FKBP2: variants seen among roughly 807,000 people sequenced by gnomAD.
FKBP2 encodes the protein FKBP prolyl isomerase 2, also known as peptidyl-prolyl cis-trans isomerase FKBP2.
FKBP2 carries 15 observed loss-of-function variants against 19.4 expected under a neutral mutation model. The ratio of observed to expected loss-of-function variants is 0.77; its 90% CI spans 0.52 to 1.19. FKBP2 has a LOEUF of 1.19. Ranked by LOEUF, FKBP2 falls within the 50% of genes most tolerant of loss-of-function variation. The probability of loss-of-function intolerance (pLI) is 0.00; values close to 1 mark genes in which losing one functional copy is unlikely to be tolerated. For missense variants in FKBP2, 170 were observed against 179.0 expected, an observed-to-expected ratio of 0.95 and a Z score of 0.29; for synonymous variants, 76 against 74.8, an observed-to-expected ratio of 1.02 and a Z score of -0.08.
In FKBP2 at chr11:64,243,975, A is replaced by T. The variant is rs750656365; in HGVS notation, c.375A>T (p.Ala125=). Residue 125 remains alanine, a synonymous_variant, in exon 6 of 6, where the codon GCA becomes GCT. Coordinates refer to ENST00000309366, the MANE Select transcript of FKBP2 (RefSeq NM_004470.4). ...TCCCCTTCTCCCCTACAGGTGGTGC[A>T]ACCCTGGTGTTCGAGGTGGAGCTGC... ...RGAPPKIPGG[A]TLVFEVELLK... is the part of the protein sequence containing the mutation. The T allele has an allele frequency of 6.2e-7, 1 of 1,614,068 alleles. No individual in the cohort carries two copies. The highest frequency in any genetic ancestry group is 1.1e-5 in the South Asian group (1 of 91,076).
intron 2 of FKBP2, 59 bp downstream of exon 2, chr11:64,242,617 C>T: frequency 6.7e-7 from 1 of 1,488,482 alleles, no homozygotes; most frequent in Non-Finnish European, 9.0e-7. Flanking sequence ...CCAGAGAGTG[C>T]TTGGGAGTCT....
In FKBP2 at chr11:64,243,344, G is replaced by A. The variant is rs534906873; in HGVS notation, c.284+33G>A. The stretch of plus-strand genomic sequence containing the variant: ...ATGGGGGAATGGGCTTGGGAGTGGG[G>A]GCGTGCATGGCCACCGCCCAGGAGG... On this transcript the variant is annotated intron_variant, in intron 3 of 5. Transcript: ENST00000309366. 6.3e-6 allele frequency: 10 copies of A among 1,598,488 alleles called. No individual in the cohort carries two copies. The East Asian group carries it at 2.2e-4, about 36-fold the overall frequency.
At chr11:64,241,696 C>T (rs1367089010) in intron 1 of FKBP2, 1 of 152,226 alleles carries the variant, frequency 6.6e-6, no homozygotes, top group Admixed American at 6.5e-5. Context: ...GGGGTGGTCT[C>T]CGTGGTGGCC....
rs1424752775 is a variant in FKBP2, at chr11:64,244,090, AAAC to A, written c.*64_*66del. 1.3e-5 allele frequency: 20 copies of A among 1,559,396 alleles called. No homozygotes were observed. Among genetic ancestry groups the A allele is most frequent in the African/African-American group, 2.8e-5 (2 of 72,600 alleles). On this transcript the variant is annotated 3_prime_UTR_variant, in exon 6 of 6. Transcript: ENST00000309366. ...CAGGGACCAGACTGTTCCAAAAAAA[AAAC>A]AAAAAACAAAAACAAACAAAAAAAC...
Position 64,243,546 on chromosome 11 carries a change from G to A in FKBP2, c.331+49G>A, listed in dbSNP as rs772995084. 5.0e-5 allele frequency: 80 copies of A among 1,603,680 alleles called. No individual in the cohort carries two copies. In the East Asian group the frequency reaches 1.8e-3, roughly 36 times the overall value. On this transcript the variant is annotated intron_variant, in intron 4 of 5. Coordinates refer to ENST00000309366, the MANE Select transcript of FKBP2 (RefSeq NM_004470.4). ...CAGAGCGAGTTTGGGGTGTGTGACT[G>A]GGAAGGGTGAAAGCTGCTTCAGCTT...
At chr11:64,243,021 G>A (rs1234428877) in intron 2 of FKBP2, among the ~76,000 whole-genome samples, 178 bp from the exon 3 acceptor site, 1 of 152,128 alleles carries the variant, frequency 6.6e-6, no homozygotes, top group African/African-American at 2.4e-5. Flanking sequence ...GCAGGGAGGC[G>A]AGATCACGCC....
chr11:64,243,978 C>G lies in FKBP2; in HGVS notation c.378C>G (p.Thr126=). Residue 126 remains threonine (T), a synonymous_variant, in exon 6 of 6, where the codon ACC becomes ACG. Coordinates refer to ENST00000309366, the MANE Select transcript of FKBP2 (RefSeq NM_004470.4). ...GAPPKIPGGA[T]LVFEVELLKI... ...CCTTCTCCCCTACAGGTGGTGCAAC[C>G]CTGGTGTTCGAGGTGGAGCTGCTCA... The G allele has an allele frequency of 1.9e-6, 3 of 1,614,122 alleles. No individual in the cohort carries two copies. The highest frequency in any genetic ancestry group is 2.5e-6 in the Non-Finnish European group (3 of 1,180,012).
intron 2 of FKBP2, 80 bp from the exon 3 acceptor site, chr11:64,243,119 G>T: frequency 7.5e-7 from 1 of 1,334,622 alleles, no homozygotes; most frequent in Admixed American, 1.7e-5. Context: ...TGGGGGGGCA[G>T]CTTGATGGGG....
rs371885225 is a variant in FKBP2 at position 64,242,486 on chromosome 11, C to T, written c.99C>T (p.Ile33=). 18 of 1,552,618 alleles carry T rather than the reference C, an allele frequency of 1.2e-5. No individual in the cohort carries two copies. The highest frequency in any genetic ancestry group is 1.6e-5 in the Non-Finnish European group (18 of 1,156,118). The change falls in exon 2 of 6, where the codon ATC becomes ATT. Residue 33 remains isoleucine, a synonymous_variant. Transcript: ENST00000309366. ...TGAEGKRKLQ[I]GVKKRVDHCP... The stretch of plus-strand genomic sequence containing the variant: ...CCGAGGGCAAAAGGAAGCTGCAGAT[C>T]GGGGTCAAGAAGCGGGTGGACCACT...
At position 64,243,287 on chromosome 11, in the gene FKBP2, A is replaced by G. The variant is rs1253692656; in HGVS notation, c.260A>G (p.Lys87Arg). ...VFSLGTGQVIKGWDQGLLGMC... is the reference protein window; with the variant it reads ...VFSLGTGQVIRGWDQGLLGMC... ...TCCCTTGGCACAGGCCAGGTCATCAAGGGCTGGGACCAGGGGCTGCTGGGG... is the reference window on the plus strand; with the variant it reads ...TCCCTTGGCACAGGCCAGGTCATCAGGGGCTGGGACCAGGGGCTGCTGGGG... Residue 87 changes from lysine (K) to arginine (R), a missense_variant, in exon 3 of 6, where the codon AAG becomes AGG. Transcript: ENST00000309366. 1 of 1,609,122 alleles carries G rather than the reference A, an allele frequency of 6.2e-7. No homozygotes were observed. The highest frequency in any genetic ancestry group is 8.5e-7 in the Non-Finnish European group (1 of 1,177,270).
chr11:64,242,369 G>A lies in FKBP2; in HGVS notation c.-4-15G>A. The A allele has an allele frequency of 2.0e-6, 3 of 1,499,820 alleles. No homozygotes were observed. The highest frequency in any genetic ancestry group is 2.7e-6 in the Non-Finnish European group (3 of 1,127,598). 92.9% of individuals were successfully genotyped at this position (1,499,820 alleles called of 1,614,324 possible). A position where few individuals can be genotyped will look rare whatever the true frequency, so the allele number is the denominator to read the frequency against. ...CCCCCACGTTCAGTCGGTCGGTCGG[G>A]GTCTGTGCCCACAGAGACATGAGGC... On this transcript the variant is annotated splice_polypyrimidine_tract_variant and intron_variant, in intron 1 of 5. Coordinates refer to ENST00000309366, the MANE Select transcript of FKBP2 (RefSeq NM_004470.4).
intron 1 of FKBP2, chr11:64,241,651 G>T (rs1045399921): frequency 6.6e-6 from 1 of 152,482 alleles, no homozygotes; most frequent in African/African-American, 2.4e-5. Flanking sequence ...CAAGTGAGGA[G>T]CCTGGCCCGA....
chr11:64,243,813 T>A, intron 4 of FKBP2, 28 bp from the exon 5 acceptor site: 1 of 1,613,832 alleles, frequency 6.2e-7, no homozygotes, highest in East Asian at 2.2e-5. Context: ...TGGCCATCAC[T>A]GACTGTTTCT....
intron 2 of FKBP2, 83 bp from the exon 3 acceptor site, chr11:64,243,116 G>C (rs1343515155): frequency 1.6e-6 from 2 of 1,264,360 alleles, no homozygotes. Flanking sequence ...GCGTGGGGGG[G>C]CAGCTTGATG....
rs1253372635 is a variant in FKBP2 at position 64,244,097 on chromosome 11, A to C, written c.*68A>C. 1.4e-5 allele frequency: 21 copies of C among 1,528,792 alleles called. No homozygotes were observed. The highest frequency in any genetic ancestry group is 2.8e-5 in the African/African-American group (2 of 71,794). The allele number at this position is 1,528,792 out of a possible 1,614,324, so 94.7% of individuals were successfully genotyped here. A position where few individuals can be genotyped will look rare whatever the true frequency, so the allele number is the denominator to read the frequency against. On this transcript the variant is annotated 3_prime_UTR_variant, in exon 6 of 6. Coordinates refer to ENST00000309366, the MANE Select transcript of FKBP2 (RefSeq NM_004470.4). Reference sequence around the variant, plus strand: ...CAGACTGTTCCAAAAAAAAAACAAAAAACAAAAACAAACAAAAAAACACTT... The same window carrying C: ...CAGACTGTTCCAAAAAAAAAACAAACAACAAAAACAAACAAAAAAACACTT...
In FKBP2 at chr11:64,244,098, A is replaced by AC. The variant is rs1054613672; in HGVS notation, c.*69_*70insC. On this transcript the variant is annotated 3_prime_UTR_variant, in exon 6 of 6. Transcript: ENST00000309366. ...AGACTGTTCCAAAAAAAAAACAAAA[A>AC]ACAAAAACAAACAAAAAAACACTTA... 1 of 1,530,248 alleles carries AC rather than the reference A, an allele frequency of 6.5e-7. No homozygotes were observed. Among genetic ancestry groups the AC allele is most frequent in the African/African-American group, 1.4e-5 (1 of 71,854 alleles). The allele number at this position is 1,530,248 out of a possible 1,614,324, so 94.8% of individuals were successfully genotyped here.
chr11:64,243,869 G>C lies in FKBP2; in HGVS notation c.360G>C (p.Lys120Asn), dbSNP rs769130140. 1 of 1,614,058 alleles carries C rather than the reference G, an allele frequency of 6.2e-7. No individual in the cohort carries two copies. Among genetic ancestry groups the C allele is most frequent in the African/African-American group, 1.3e-5 (1 of 74,932 alleles). Residue 120 changes from lysine (K) to asparagine (N), a missense_variant, in exon 5 of 6, where the codon AAG becomes AAC. Lys to Asn is a moderately conservative substitution (Grantham distance 94). Transcript: ENST00000309366. ...LGYGERGAPPKIPGGATLVFE... is the reference protein window; with the variant it reads ...LGYGERGAPPNIPGGATLVFE... Reference sequence around the variant, plus strand: ...ATGGAGAGCGGGGAGCTCCCCCAAAGATTCCAGGTAGTAAACCTTTTGATA... The same window carrying C: ...ATGGAGAGCGGGGAGCTCCCCCAAACATTCCAGGTAGTAAACCTTTTGATA...
In FKBP2 at chr11:64,243,441, CT is replaced by C. The variant is rs2030683077; in HGVS notation, c.285-8del. On this transcript the variant is annotated splice_polypyrimidine_tract_variant and intron_variant, in intron 3 of 5. Transcript: ENST00000309366. ...GTGCTGCCATGGGCTGAGCATGTGT[CT>C]TCCTGCAGGATGTGTGAGGGGGAAA... 6.2e-7 allele frequency: 1 copy of C among 1,613,932 alleles called. No homozygotes were observed. The highest frequency in any genetic ancestry group is 1.3e-5 in the African/African-American group (1 of 74,934).
chr11:64,243,336 G>A (rs900133426), intron 3 of FKBP2, 25 bp downstream of exon 3: 11 of 1,599,404 alleles, frequency 6.9e-6, no homozygotes, highest in Middle Eastern at 1.7e-4. Flanking sequence ...AATGGGCTTG[G>A]GAGTGGGGGC....
Sources: allele counts gnomAD v4.1 joint callset (sites outside exome capture counted in the v4.1 genomes callset), GRCh38; gene constraint gnomAD v4.1.1; transcripts MANE v1.5; gene names NCBI Gene and HGNC (gene_info 2026-07-23, HGNC 2026-07-21).